Variants in MYH13 observed in about 807,000 individuals in gnomAD.
The protein encoded by MYH13 is myosin-13.
Under a neutral mutation model 232.1 loss-of-function variants are expected in MYH13, and 177 were observed. The observed-to-expected ratio is 0.76, with a 90% confidence interval of 0.67 to 0.86. The LOEUF (loss-of-function observed/expected upper bound fraction) is 0.86, where lower values mean the gene tolerates loss of function less well. MYH13 is among the 40% of genes least tolerant of loss of function. MYH13 has a pLI of 0.00. For synonymous variants in MYH13, 884 were observed against 923.5 expected (o/e 0.96, Z 0.78); for missense variants, 2,246 against 2,405.9 (o/e 0.93, Z 1.39).
Position 10,338,703 on chromosome 17 carries a change from T to TTG in MYH13, c.2056+1446_2056+1447insCA, listed in dbSNP as rs67201265. 4.1e-4 allele frequency among the ~76,000 whole-genome samples: 23 copies of TTG among 55,634 alleles called. No homozygotes were observed. In the East Asian group the frequency reaches 8.6e-3, roughly 21 times the overall value. The allele number at this position is 55,634 out of a possible 152,430, so 36.5% of individuals were successfully genotyped here. ...CTTTTATCCTTGTTTTTTTTTTTTT[T>TTG]TTGTTTGTTTTTTTTGAGACGGAGT... On this transcript the variant is annotated intron_variant, in intron 18 of 40. Coordinates refer to ENST00000252172, the MANE Select transcript of MYH13 (RefSeq NM_003802.3).
intron 23 of MYH13, among the ~76,000 whole-genome samples, chr17:10,323,258 G>C (rs1246250952): frequency 6.6e-6 from 1 of 152,118 alleles, no homozygotes; most frequent in Admixed American, 6.5e-5. Context: ...TTTCCCAAAG[G>C]CTGCATCAGT....
intron 33 of MYH13, 89 bp downstream of exon 33, chr17:10,311,014 G>C (rs774207781): frequency 6.6e-7 from 1 of 1,521,590 alleles, no homozygotes; most frequent in Non-Finnish European, 8.9e-7. Flanking sequence ...GGGTCTCCTG[G>C]CAGGAAAGGC....
chr17:10,341,231 T>A (rs987661993), intron 16 of MYH13: 2 of 151,826 alleles, frequency 1.3e-5, no homozygotes, highest in Non-Finnish European at 2.9e-5. Context: ...TTAGTAGAGA[T>A]GTTTAGTAGA....
intron 11 of MYH13, 110 bp from the exon 12 acceptor site, chr17:10,350,804 GC>G: frequency 7.1e-7 from 1 of 1,412,108 alleles, no homozygotes. Context: ...GACAGCATTT[GC>G]CCAAATAAGT....
intron 11 of MYH13, among the ~76,000 whole-genome samples, 183 bp downstream of exon 11, chr17:10,354,497 A>T (rs776807807): frequency 6.6e-5 from 10 of 152,146 alleles, no homozygotes; most frequent in Non-Finnish European, 1.3e-4. Flanking sequence ...GAATGCTGTG[A>T]GGTGGAGCTG....
At chr17:10,368,892 C>T (rs1355560692) in intron 2 of MYH13, among the ~76,000 whole-genome samples, 2 of 152,180 alleles carry the variant, frequency 1.3e-5, no homozygotes, top group Non-Finnish European at 2.9e-5. Context: ...CTTCAAAACC[C>T]TCTGCAACAT....
Position 10,362,261 on chromosome 17 carries a change from A to C in MYH13, c.362T>G (p.Leu121Arg). The C allele has an allele frequency of 6.2e-7, 1 of 1,613,614 alleles. No individual in the cohort carries two copies. Among genetic ancestry groups the C allele is most frequent in the Non-Finnish European group, 8.5e-7 (1 of 1,179,576 alleles). ...GTAGGGGTTGACGGTGACACAGAAG[A>C]GGCCTGAGTAGGTCTGGGAAGATCA... ...AAWMIYTYSG[L>R]FCVTVNPYKW... The change falls in exon 5 of 41, where the codon CTC becomes CGC. Residue 121 changes from leucine to arginine, a missense_variant. By Grantham distance (102) the Leu-to-Arg change is moderately radical. Coordinates refer to ENST00000252172, the MANE Select transcript of MYH13 (RefSeq NM_003802.3).
intron 21 of MYH13, 113 bp downstream of exon 21, chr17:10,330,274 C>A: frequency 1.4e-6 from 2 of 1,448,104 alleles, no homozygotes; most frequent in Admixed American, 2.2e-5. Flanking sequence ...GTGGGTTAAA[C>A]AAATGAAGGA....
rs151073983 is a variant in MYH13 at position 10,353,712 on chromosome 17, C to A, written c.1005+968G>T. Among the ~76,000 whole-genome samples, 183 of 151,958 alleles carry A rather than the reference C, an allele frequency of 1.2e-3. 2 individuals are homozygous for A. The highest frequency in any genetic ancestry group is 4.2e-3 in the African/African-American group (173 of 41,456). ...AAACCCCAATTCTACTAAAAATACA[C>A]ACACACAAAATTAGCCAGGCATGGT... On this transcript the variant is annotated intron_variant, in intron 11 of 40. Transcript: ENST00000252172.
At chr17:10,354,592 C>T in intron 11 of MYH13, 88 bp downstream of exon 11, 1 of 1,235,780 alleles carries the variant, frequency 8.1e-7, no homozygotes, top group Non-Finnish European at 1.2e-6. Context: ...CCCTGGATTT[C>T]AGCTTTCCCA....
intron 2 of MYH13, among the ~76,000 whole-genome samples, chr17:10,368,140 T>C (rs2071851310): frequency 6.6e-6 from 1 of 152,184 alleles, no homozygotes; most frequent in Non-Finnish European, 1.5e-5. Context: ...TACACAATAT[T>C]AAAAAAATTA....
At chr17:10,308,509 T>C (rs1208460280) in intron 35 of MYH13, among the ~76,000 whole-genome samples, 3 of 145,336 alleles carry the variant, frequency 2.1e-5, no homozygotes, top group African/African-American at 7.6e-5. Flanking sequence ...GGTCTCAGAC[T>C]CCTGAGATCA....
chr17:10,321,445 CT>C (rs1477912468), intron 24 of MYH13, 86 bp downstream of exon 24: 17 of 1,348,848 alleles, frequency 1.3e-5, no homozygotes, highest in Middle Eastern at 2.3e-4. Context: ...AGTCTGACCT[CT>C]CAAGCCCTGT....
At chr17:10,351,656 A>C (rs761683253) in intron 11 of MYH13, among the ~76,000 whole-genome samples, 2 of 152,192 alleles carry the variant, frequency 1.3e-5, no homozygotes, top group Non-Finnish European at 2.9e-5. Context: ...CCTGTCATAC[A>C]GGGAGGGTGT....
Position 10,343,844 on chromosome 17 carries a change from T to C in MYH13, c.1850A>G (p.Lys617Arg), listed in dbSNP as rs1479434420. ...GTTGGAAAAAAGGAAGGAGAGAAGCTTCAGCGAAGACTTCTGGTACAGCCC... is the reference window on the plus strand; with the variant it reads ...GTTGGAAAAAAGGAAGGAGAGAAGCCTCAGCGAAGACTTCTGGTACAGCCC... ...VVGLYQKSSL[K>R]LLSFLFSNYA... The change falls in exon 16 of 41, where the codon AAG becomes AGG. Residue 617 changes from lysine (K) to arginine (R), a missense_variant. Coordinates refer to ENST00000252172, the MANE Select transcript of MYH13 (RefSeq NM_003802.3). 1.9e-6 allele frequency: 3 copies of C among 1,610,404 alleles called. No homozygotes were observed. The highest frequency in any genetic ancestry group is 2.5e-6 in the Non-Finnish European group (3 of 1,177,836).
chr17:10,316,172 C>T (rs1445691073), intron 27 of MYH13, 147 bp from the exon 28 acceptor site: 22 of 1,116,884 alleles, frequency 2.0e-5, no homozygotes, highest in Non-Finnish European at 2.4e-5. Context: ...TCAAAAAAAT[C>T]ATAATCGGCC....
intron 37 of MYH13, among the ~76,000 whole-genome samples, chr17:10,305,736 G>T (rs1906256067): frequency 6.6e-6 from 1 of 152,250 alleles, no homozygotes; most frequent in African/African-American, 2.4e-5. Context: ...GGGTCTAAAA[G>T]GAAAAGCAAG....
At position 10,364,497 on chromosome 17, in the gene MYH13, C is replaced by T. The variant is rs756301490; in HGVS notation, c.34G>A (p.Glu12Lys). ...GGTTTCCGGAGGTAGGGAGCTGCTT[C>T]TCCAAAAATGGCCATTTCTGCGTCA... ...SSDAEMAIFGEAAPYLRKPEK... is the reference protein window; with the variant it reads ...SSDAEMAIFGKAAPYLRKPEK... The change falls in exon 3 of 41, where the codon GAA becomes AAA. Residue 12 changes from glutamate (E) to lysine (K), a missense_variant. Glu to Lys is a moderately conservative substitution (Grantham distance 56). Coordinates refer to ENST00000252172, the MANE Select transcript of MYH13 (RefSeq NM_003802.3). 2 of 1,607,242 alleles carry T rather than the reference C, an allele frequency of 1.2e-6. No homozygotes were observed. The highest frequency in any genetic ancestry group is 3.4e-5 in the Admixed American group (2 of 59,150).
intron 11 of MYH13, among the ~76,000 whole-genome samples, chr17:10,351,148 G>T (rs777473359): frequency 4.0e-4 from 58 of 145,556 alleles, no homozygotes; most frequent in Middle Eastern, 7.2e-3. Context: ...TTGAACCTGG[G>T]AGGCGGAGGT....
Sources: allele counts gnomAD v4.1 joint callset (sites outside exome capture counted in the v4.1 genomes callset), GRCh38; gene constraint gnomAD v4.1.1; transcripts MANE v1.5; gene names NCBI Gene and HGNC (gene_info 2026-07-23, HGNC 2026-07-21).